Variants in DSCAML1 observed in about 807,000 individuals in gnomAD.
DSCAML1 encodes cell adhesion molecule DSCAML1.
Under a neutral mutation model 200.5 loss-of-function variants are expected in DSCAML1, and 38 were observed. The ratio of observed to expected loss-of-function variants is 0.19; its 90% CI spans 0.15 to 0.25. The LOEUF is 0.25. Ranked by LOEUF, DSCAML1 falls within the 10% of genes least tolerant of loss-of-function variation. The probability of loss-of-function intolerance (pLI) is 1.00; values close to 1 mark genes in which losing one functional copy is unlikely to be tolerated. For synonymous variants in DSCAML1, 1,215 were observed against 1,165.0 expected, an observed-to-expected ratio of 1.04 and a Z score of -0.87; for missense variants, 2,223 against 2,858.8, an observed-to-expected ratio of 0.78 and a Z score of 5.07.
At chr11:117,746,382 G>A (rs2054518684) in intron 3 of DSCAML1, among the ~76,000 whole-genome samples, 1 of 152,204 alleles carries the variant, frequency 6.6e-6, no homozygotes, top group African/African-American at 2.4e-5. Flanking sequence ...CCTGATGGTA[G>A]AGCTGTCCCC....
rs546241542 is a variant in DSCAML1, at chr11:117,500,781, A to G, written c.2359+3064T>C. ...ATTAGAAGCCAACCACAAACGTCCA[A>G]TCTGACACTTGGAGGCTTTCTCTGC... On this transcript the variant is annotated intron_variant, in intron 11 of 32. Coordinates refer to ENST00000651296, the MANE Select transcript of DSCAML1 (RefSeq NM_020693.4). Among the ~76,000 whole-genome samples, 3 of 152,344 alleles carry G rather than the reference A, an allele frequency of 2.0e-5. No homozygotes were observed. In the South Asian group the frequency reaches 6.2e-4, roughly 32 times the overall value.
intron 3 of DSCAML1, among the ~76,000 whole-genome samples, chr11:117,631,089 G>A (rs1178388400): frequency 6.6e-6 from 1 of 152,206 alleles, no homozygotes; most frequent in Non-Finnish European, 1.5e-5. Flanking sequence ...GGTCGGGGGA[G>A]GGCTGGGTGA....
intron 3 of DSCAML1, among the ~76,000 whole-genome samples, chr11:117,616,708 A>G (rs1469281665): frequency 1.3e-5 from 2 of 152,188 alleles, no homozygotes; most frequent in East Asian, 1.9e-4. Flanking sequence ...GTGATATTCT[A>G]TTTCTTGAGC....
At chr11:117,779,561 G>A (rs1565280075) in intron 2 of DSCAML1, among the ~76,000 whole-genome samples, 2 of 152,304 alleles carry the variant, frequency 1.3e-5, no homozygotes, top group East Asian at 1.9e-4. Context: ...CAAAGAAAGT[G>A]TGGTCTAGTT....
chr11:117,721,812 T>TGA (rs1491210661), intron 3 of DSCAML1, among the ~76,000 whole-genome samples: 2 of 120,802 alleles, frequency 1.7e-5, no homozygotes, highest in Non-Finnish European at 3.7e-5. Flanking sequence ...TATATATATA[T>TGA]TTTTTTTTTT....
At chr11:117,668,978 G>C (rs955256110) in intron 3 of DSCAML1, 6 of 152,158 alleles carry the variant, frequency 3.9e-5, no homozygotes, top group African/African-American at 1.4e-4. Flanking sequence ...CTTCTGCGCA[G>C]ACTGGTAAGC....
At position 117,575,295 on chromosome 11, in the gene DSCAML1, C is replaced by T. The variant is rs1006865322; in HGVS notation, c.512-42773G>A. 7.9e-5 allele frequency among the ~76,000 whole-genome samples: 12 copies of T among 152,160 alleles called. 2 individuals carry two copies. Among genetic ancestry groups the T allele is most frequent in the Admixed American group, 2.0e-4 (3 of 15,282 alleles). ...TTGGTAGAAACCAGAGCAAAGCACC[C>T]GGGATGACGCATGGTTTGAGACCCA... On this transcript the variant is annotated intron_variant, in intron 3 of 32. Coordinates refer to ENST00000651296, the MANE Select transcript of DSCAML1 (RefSeq NM_020693.4).
chr11:117,655,038 T>C (rs2137629637), intron 3 of DSCAML1, among the ~76,000 whole-genome samples: 1 of 152,310 alleles, frequency 6.6e-6, no homozygotes, highest in East Asian at 1.9e-4. Context: ...TGCCAGCACA[T>C]CCCCTCTCTC....
Position 117,630,318 on chromosome 11 carries a change from C to T in DSCAML1, c.512-97796G>A, listed in dbSNP as rs557948814. On this transcript the variant is annotated intron_variant, in intron 3 of 32. Transcript: ENST00000651296. Reference sequence around the variant, plus strand: ...CTGAACAGGCGTCGAATGCACGTCACATGCCTGCTTGCTGCTAGTGGGCCC... The same window carrying T: ...CTGAACAGGCGTCGAATGCACGTCATATGCCTGCTTGCTGCTAGTGGGCCC... Among the ~76,000 whole-genome samples, 6 of 152,326 alleles carry T rather than the reference C, an allele frequency of 3.9e-5. No homozygotes were observed. In the South Asian group the frequency reaches 8.3e-4, roughly 21 times the overall value.
At chr11:117,701,097 C>A (rs1269726379) in intron 3 of DSCAML1, among the ~76,000 whole-genome samples, 1 of 152,104 alleles carries the variant, frequency 6.6e-6, no homozygotes, top group Non-Finnish European at 1.5e-5. Context: ...GAAACCCTGT[C>A]TCCACTAAAA....
intron 3 of DSCAML1, among the ~76,000 whole-genome samples, chr11:117,748,667 G>C (rs2054554904): frequency 1.3e-5 from 2 of 152,192 alleles, no homozygotes; most frequent in Non-Finnish European, 2.9e-5. Context: ...GGAGGGCTGG[G>C]ACTCCAGGCT....
rs878960113 is a variant in DSCAML1, at chr11:117,435,795, G to C, written c.4725C>G (p.Thr1575=). The part of the protein sequence containing the change: ...QFATLDYDGS[T]IPPIKSAQGE... Reference sequence around the variant, plus strand: ...CTTGAGCAGACTTGATGGGTGGAATGGTGCCTGAATGAGGGCAAAGAATAG... The same window carrying C: ...CTTGAGCAGACTTGATGGGTGGAATCGTGCCTGAATGAGGGCAAAGAATAG... The change falls in exon 27 of 33, where the codon ACC becomes ACG. Residue 1575 remains threonine (T), a synonymous_variant. Transcript: ENST00000651296. 6.2e-7 allele frequency: 1 copy of C among 1,604,238 alleles called. No homozygotes were observed. Among genetic ancestry groups the C allele is most frequent in the African/African-American group, 1.3e-5 (1 of 74,768 alleles).
intron 3 of DSCAML1, among the ~76,000 whole-genome samples, chr11:117,604,946 G>A (rs1305256540): frequency 6.6e-6 from 1 of 152,200 alleles, no homozygotes; most frequent in Non-Finnish European, 1.5e-5. Flanking sequence ...CTGTCTGTTG[G>A]CTGTGGGTTT....
At chr11:117,474,831 T>C (rs1187996105) in intron 14 of DSCAML1, among the ~76,000 whole-genome samples, 2 of 151,788 alleles carry the variant, frequency 1.3e-5, no homozygotes, top group African/African-American at 4.8e-5. Context: ...CTCGGCTTAC[T>C]GCAAGCTCCG....
At chr11:117,808,599 T>C (rs2055728799) in intron 1 of DSCAML1, among the ~76,000 whole-genome samples, 1 of 152,196 alleles carries the variant, frequency 6.6e-6, no homozygotes. Flanking sequence ...AAGCTTAGCA[T>C]AGGTCTTGGG....
intron 8 of DSCAML1, among the ~76,000 whole-genome samples, chr11:117,510,247 G>C (rs1318548702): frequency 6.6e-6 from 1 of 152,220 alleles, no homozygotes; most frequent in Non-Finnish European, 1.5e-5. Flanking sequence ...GCCGTGGGAA[G>C]TCTGGGCTTC....
At chr11:117,544,751 C>A (rs1305174341) in intron 3 of DSCAML1, among the ~76,000 whole-genome samples, 1 of 152,168 alleles carries the variant, frequency 6.6e-6, no homozygotes, top group Non-Finnish European at 1.5e-5. Flanking sequence ...GGATTCAAGT[C>A]CCAGCTCAGG....
chr11:117,644,710 A>G (rs1271771542), intron 3 of DSCAML1, among the ~76,000 whole-genome samples: 3 of 152,194 alleles, frequency 2.0e-5, no homozygotes, highest in African/African-American at 7.2e-5. Context: ...CCTCTAGGGC[A>G]GGGGACCCCC....
intron 1 of DSCAML1, among the ~76,000 whole-genome samples, chr11:117,802,276 AC>A (rs1276481301): frequency 6.6e-6 from 1 of 152,096 alleles, no homozygotes; most frequent in Non-Finnish European, 1.5e-5. Context: ...GTTTTCCCTG[AC>A]CAGGCCTCCT....
Sources: allele counts gnomAD v4.1 joint callset (sites outside exome capture counted in the v4.1 genomes callset), GRCh38; gene constraint gnomAD v4.1.1; transcripts MANE v1.5; gene names NCBI Gene and HGNC (gene_info 2026-07-23, HGNC 2026-07-21).